The following SNX14 variants were observed in gnomAD, a reference collection of about 807,000 sequenced individuals.
The protein encoded by SNX14 is sorting nexin-14.
Under a neutral mutation model 133.8 loss-of-function variants are expected in SNX14, and 93 were observed. The observed-to-expected ratio is 0.70, with a 90% CI of 0.59 to 0.83. The LOEUF is 0.83. Among genes scored for constraint, SNX14 ranks in the 40% least tolerant of loss-of-function variants. SNX14 has a pLI of 0.00. For missense variants in SNX14, 945 were observed against 1,094.9 expected, an observed-to-expected ratio of 0.86 and a Z score of 1.93; for synonymous variants, 368 against 365.6, an observed-to-expected ratio of 1.01 and a Z score of -0.07.
At chr6:85,551,301 A>G (rs1057498419) in intron 7 of SNX14, among the ~76,000 whole-genome samples, 6 of 152,184 alleles carry the variant, frequency 3.9e-5, no homozygotes, top group African/African-American at 9.6e-5. Context: ...CTCCCTTTCT[A>G]CAATCAAGCA....
At chr6:85,593,086 T>C (rs1803408274) in intron 1 of SNX14, among the ~76,000 whole-genome samples, 2 of 152,206 alleles carry the variant, frequency 1.3e-5, no homozygotes, top group Admixed American at 1.3e-4. Flanking sequence ...CAAATCTTTA[T>C]GATCGTCTGT....
chr6:85,508,915 A>G (rs886732834), intron 26 of SNX14, among the ~76,000 whole-genome samples: 1 of 152,210 alleles, frequency 6.6e-6, no homozygotes, highest in Non-Finnish European at 1.5e-5. Context: ...TTGGTCATAA[A>G]AAATTCTAAT....
chr6:85,525,850 C>T (rs1459576929), intron 21 of SNX14, among the ~76,000 whole-genome samples: 1 of 152,046 alleles, frequency 6.6e-6, no homozygotes, highest in East Asian at 1.9e-4. Flanking sequence ...AAAATACCAT[C>T]TCTACTTTTC....
Position 85,513,889 on chromosome 6 carries a change from A to G in SNX14, c.2564T>C (p.Ile855Thr). Residue 855 changes from isoleucine to threonine, a missense_variant, in exon 26 of 29, where the codon ATA becomes ACA. By Grantham distance (89) the Ile-to-Thr change is moderately conservative. This residue lies in a region of SNX14 where 412 missense variants were observed against 516.6 expected (regional missense o/e 0.80). Coordinates refer to ENST00000314673, the MANE Select transcript of SNX14 (RefSeq NM_153816.6). ...GCGAGGTTCAGTGTTTTCACAGAAT[A>G]TAGCATCTAAAAAAGAGTAAAAAGA... is the stretch of plus-strand genomic sequence containing the variant. ...VSLITLLRDA[I>T]FCENTEPRSL... is the part of the protein sequence containing the mutation. 1.2e-6 allele frequency: 2 copies of G among 1,608,434 alleles called. No individual in the cohort carries two copies. Among genetic ancestry groups the G allele is most frequent in the Non-Finnish European group, 1.7e-6 (2 of 1,178,224 alleles).
In SNX14 at chr6:85,529,395, GGGAA is replaced by G. The variant is rs747616592; in HGVS notation, c.1894+793_1894+796del. 2.8e-4 allele frequency among the ~76,000 whole-genome samples: 43 copies of G among 151,800 alleles called. 1 individual carries two copies. The Middle Eastern group carries it at 0.01, about 36-fold the overall frequency. On this transcript the variant is annotated intron_variant, in intron 19 of 28. Coordinates refer to ENST00000314673, the MANE Select transcript of SNX14 (RefSeq NM_153816.6). ...ACAAGGAAATGAAGGAAGGAAACAA[GGGAA>G]GGAAGGAAGGAAGGAAGCAAGCATG...
intron 21 of SNX14, among the ~76,000 whole-genome samples, chr6:85,522,011 A>T (rs1257156875): frequency 1.3e-5 from 2 of 152,186 alleles, no homozygotes; most frequent in Admixed American, 1.3e-4. Flanking sequence ...CCTTTCCCCC[A>T]TGTAGGTTCT....
At chr6:85,549,612 G>T (rs1192054697) in intron 8 of SNX14, 111 bp downstream of exon 8, 4 of 748,464 alleles carry the variant, frequency 5.3e-6, no homozygotes, top group East Asian at 3.4e-5. Flanking sequence ...CAAATGAAAA[G>T]CTATTCATAG....
intron 1 of SNX14, among the ~76,000 whole-genome samples, chr6:85,586,471 TA>T (rs1470367326): frequency 1.3e-5 from 2 of 152,258 alleles, no homozygotes; most frequent in Non-Finnish European, 2.9e-5. Context: ...CTGCACTATA[TA>T]TTTTTACCCA....
At chr6:85,529,835 T>C (rs909541421) in intron 19 of SNX14, among the ~76,000 whole-genome samples, 3 of 152,086 alleles carry the variant, frequency 2.0e-5, no homozygotes, top group African/African-American at 7.2e-5. Flanking sequence ...AAAAAATAGC[T>C]GGAAATTCTT....
intron 16 of SNX14, among the ~76,000 whole-genome samples, chr6:85,538,572 C>T (rs1782652470): frequency 6.6e-6 from 1 of 152,040 alleles, no homozygotes; most frequent in African/African-American, 2.4e-5. Flanking sequence ...CCTTAAAATA[C>T]AAGATACTGA....
intron 6 of SNX14, among the ~76,000 whole-genome samples, chr6:85,562,823 C>T (rs1792175107): frequency 6.6e-6 from 1 of 151,958 alleles, no homozygotes; most frequent in Non-Finnish European, 1.5e-5. Flanking sequence ...AACTCCCGAC[C>T]TCCAGTGATC....
chr6:85,551,994 G>A (rs1787963262), intron 7 of SNX14, among the ~76,000 whole-genome samples: 1 of 149,442 alleles, frequency 6.7e-6, no homozygotes, highest in Non-Finnish European at 1.5e-5. Context: ...TCTGCATTCT[G>A]TGCAGAGTTT....
intron 6 of SNX14, among the ~76,000 whole-genome samples, chr6:85,564,831 T>C (rs1394202120): frequency 6.6e-6 from 1 of 151,704 alleles, no homozygotes; most frequent in East Asian, 1.9e-4. Context: ...CTACTAAAAA[T>C]ACAAAAAATT....
intron 7 of SNX14, among the ~76,000 whole-genome samples, chr6:85,553,195 A>C (rs1396253224): frequency 6.6e-6 from 1 of 152,214 alleles, no homozygotes; most frequent in African/African-American, 2.4e-5. Context: ...CTGGGCAAGC[A>C]GACCCGAGTT....
chr6:85,592,151 C>T (rs565455988), intron 1 of SNX14, among the ~76,000 whole-genome samples: 1 of 152,364 alleles, frequency 6.6e-6, no homozygotes, highest in Admixed American at 6.5e-5. Context: ...TCCCACTTCT[C>T]CCACACTCCT....
intron 6 of SNX14, among the ~76,000 whole-genome samples, chr6:85,560,177 A>C (rs1303223958): frequency 6.6e-6 from 1 of 152,244 alleles, no homozygotes; most frequent in Non-Finnish European, 1.5e-5. Flanking sequence ...GACAAAAAAA[A>C]ACTTGTATAC....
intron 6 of SNX14, among the ~76,000 whole-genome samples, chr6:85,563,673 G>A (rs1035335687): frequency 6.6e-6 from 1 of 152,170 alleles, no homozygotes; most frequent in Non-Finnish European, 1.5e-5. Context: ...GATTACAGGC[G>A]TGAGCCACCG....
intron 7 of SNX14, among the ~76,000 whole-genome samples, chr6:85,556,257 CACA>C (rs917377480): frequency 3.9e-5 from 6 of 151,986 alleles, no homozygotes; most frequent in Non-Finnish European, 8.8e-5. Flanking sequence ...GCCTTTACAA[CACA>C]ACAATTAAGT....
At chr6:85,533,946 A>G (rs988245595) in intron 17 of SNX14, 146 bp from the exon 18 acceptor site, 4 of 688,778 alleles carry the variant, frequency 5.8e-6, no homozygotes, top group Non-Finnish European at 9.3e-6. Context: ...TTTCTACTGA[A>G]AAAGTAAAGG....
Sources: gnomAD v4.1 joint callset for allele counts (sites outside exome capture counted in the v4.1 genomes callset) on GRCh38, gnomAD v4.1.1 for gene constraint, gnomAD v4.1.1 regional missense constraint, MANE v1.5 for transcripts, NCBI Gene and HGNC (gene_info 2026-07-23, HGNC 2026-07-21) for gene names.